SNX14: variants seen among roughly 807,000 people sequenced by gnomAD.
SNX14 encodes the protein sorting nexin 14.
SNX14 carries 93 observed loss-of-function variants against 133.8 expected under a neutral mutation model. The observed-to-expected ratio is 0.70, with a 90% CI of 0.59 to 0.83. The LOEUF (loss-of-function observed/expected upper bound fraction) is 0.83. Among genes scored for constraint, SNX14 ranks in the 40% least tolerant of loss-of-function variants. The pLI, the probability that SNX14 is intolerant of heterozygous loss-of-function variation, is 0.00. For missense variants in SNX14, 945 were observed against 1,094.9 expected, an observed-to-expected ratio of 0.86 and a Z score of 1.93; for synonymous variants, 368 against 365.6, an observed-to-expected ratio of 1.01 and a Z score of -0.07.
At chr6:85,529,223 C>T (rs1779457880) in intron 19 of SNX14, among the ~76,000 whole-genome samples, 1 of 151,558 alleles carries the variant, frequency 6.6e-6, no homozygotes, top group Non-Finnish European at 1.5e-5. Flanking sequence ...GGTGAGCCAA[C>T]ATCGTGCCAC....
chr6:85,515,972 G>C (rs1056485335), intron 23 of SNX14, among the ~76,000 whole-genome samples: 5 of 152,250 alleles, frequency 3.3e-5, no homozygotes, highest in African/African-American at 9.6e-5. Context: ...AAGTGACACA[G>C]AGCAAAGGGG....
intron 1 of SNX14, among the ~76,000 whole-genome samples, chr6:85,587,962 G>C (rs558807551): frequency 2.0e-4 from 31 of 152,238 alleles, no homozygotes; most frequent in African/African-American, 7.0e-4. Flanking sequence ...AGCAGGGGAG[G>C]AGCGGGGGGC....
chr6:85,579,777 G>T (rs542935591), intron 1 of SNX14, among the ~76,000 whole-genome samples: 2 of 152,310 alleles, frequency 1.3e-5, no homozygotes, highest in African/African-American at 4.8e-5. Context: ...AGGTTAAAGT[G>T]CTCTGAGTTC....
chr6:85,547,356 G>A lies in SNX14; in HGVS notation c.954C>T (p.Phe318=). Reference sequence around the variant, plus strand: ...TTCTAGGTTCTGCAAATTTCTGCAAGAATGGAACCAAAGGAGAAGCCGGTT... The same window carrying A: ...TTCTAGGTTCTGCAAATTTCTGCAAAAATGGAACCAAAGGAGAAGCCGGTT... The part of the protein sequence containing the change: ...ATEPASPLVP[F]LQKFAEPRNK... The change falls in exon 11 of 29, where the codon TTC becomes TTT. Residue 318 remains phenylalanine, a synonymous_variant. Coordinates refer to ENST00000314673, the MANE Select transcript of SNX14 (RefSeq NM_153816.6). 1 of 1,613,790 alleles carries A rather than the reference G, an allele frequency of 6.2e-7. No homozygotes were observed. Among genetic ancestry groups the A allele is most frequent in the African/African-American group, 1.3e-5 (1 of 75,042 alleles).
At chr6:85,515,268 A>AC (rs201964812) in intron 23 of SNX14, among the ~76,000 whole-genome samples, 3,811 of 148,412 alleles carry the variant, frequency 0.026, 129 homozygotes, top group African/African-American at 0.08. Context: ...CCGTCAAAAA[A>AC]AAAAAAAAAA....
chr6:85,579,704 G>T (rs1420930202), intron 1 of SNX14, among the ~76,000 whole-genome samples: 2 of 152,170 alleles, frequency 1.3e-5, no homozygotes, highest in Non-Finnish European at 2.9e-5. Context: ...CACATGTCCT[G>T]GCCAGAGGGC....
At chr6:85,543,438 A>G in intron 13 of SNX14, 132 bp from the exon 14 acceptor site, 2 of 1,059,510 alleles carry the variant, frequency 1.9e-6, no homozygotes, top group Non-Finnish European at 2.6e-6. Context: ...TAGTTCTGAC[A>G]AATACATAAA....
intron 1 of SNX14, among the ~76,000 whole-genome samples, chr6:85,578,058 A>T (rs1397729689): frequency 6.6e-6 from 1 of 152,194 alleles, no homozygotes; most frequent in Non-Finnish European, 1.5e-5. Flanking sequence ...AGAGTAAGTT[A>T]AGGTTTTTGA....
intron 21 of SNX14, among the ~76,000 whole-genome samples, chr6:85,522,239 G>A (rs1020555100): frequency 1.2e-4 from 19 of 152,150 alleles, no homozygotes; most frequent in African/African-American, 4.3e-4. Context: ...GTCCACAGAC[G>A]TATAGATCAG....
intron 21 of SNX14, among the ~76,000 whole-genome samples, chr6:85,523,936 A>AG (rs1171903055): frequency 6.6e-6 from 1 of 152,208 alleles, no homozygotes; most frequent in African/African-American, 2.4e-5. Flanking sequence ...GTACAACTAA[A>AG]GGTCAGACTA....
At chr6:85,525,663 C>T (rs564665427) in intron 21 of SNX14, among the ~76,000 whole-genome samples, 2 of 152,170 alleles carry the variant, frequency 1.3e-5, no homozygotes, top group East Asian at 3.9e-4. Flanking sequence ...ATTTGTAATG[C>T]TTTATAATAC....
intron 23 of SNX14, among the ~76,000 whole-genome samples, chr6:85,516,827 AG>A (rs1775215749): frequency 6.6e-6 from 1 of 152,004 alleles, no homozygotes; most frequent in Non-Finnish European, 1.5e-5. Flanking sequence ...CAGTAGAGGC[AG>A]GGTTTCACCA....
chr6:85,544,140 A>T (rs1173458271), intron 12 of SNX14, among the ~76,000 whole-genome samples: 4 of 152,158 alleles, frequency 2.6e-5, no homozygotes, highest in Non-Finnish European at 5.9e-5. Flanking sequence ...AGTCCCAATC[A>T]ATGTTTTTAA....
intron 17 of SNX14, 61 bp downstream of exon 17, chr6:85,536,731 A>G: frequency 6.6e-7 from 1 of 1,514,018 alleles, no homozygotes; most frequent in Non-Finnish European, 8.9e-7. Flanking sequence ...GAGTATATCT[A>G]ATTTTTATGT....
chr6:85,592,883 G>A (rs1803302234), intron 1 of SNX14, among the ~76,000 whole-genome samples: 1 of 151,908 alleles, frequency 6.6e-6, no homozygotes, highest in African/African-American at 2.4e-5. Flanking sequence ...GCGTGGTGGC[G>A]GGCGCCTGTA....
intron 21 of SNX14, among the ~76,000 whole-genome samples, chr6:85,521,184 C>T (rs1053982639): frequency 1.3e-5 from 2 of 152,260 alleles, no homozygotes; most frequent in South Asian, 2.1e-4. Context: ...AAATTAGGCA[C>T]CTTTCCATGT....
Position 85,574,348 on chromosome 6 carries a change from T to C in SNX14, c.171A>G (p.Ser57=). 6.4e-7 allele frequency: 1 copy of C among 1,570,552 alleles called. No homozygotes were observed. Among genetic ancestry groups the C allele is most frequent in the Non-Finnish European group, 8.7e-7 (1 of 1,143,430 alleles). ...AGAATGTGACAACTCCAGCAACAAA[T>C]GACCAGAAGATCATTAAAATATGAA... ...RYIHILMIFW[S]FVAGVVTFYC... is the part of the protein sequence containing the mutation. Residue 57 remains serine (S), a synonymous_variant, in exon 2 of 29, where the codon TCA becomes TCG. Transcript: ENST00000314673.
intron 1 of SNX14, among the ~76,000 whole-genome samples, chr6:85,575,403 A>C (rs888081688): frequency 6.6e-6 from 1 of 152,216 alleles, no homozygotes; most frequent in Non-Finnish European, 1.5e-5. Flanking sequence ...GTGCATCATG[A>C]TCAGGGACCA....
In SNX14 at chr6:85,573,317, TAAA is replaced by T. The variant is rs1796277058; in HGVS notation, c.261+938_261+940del. Among the ~76,000 whole-genome samples the T allele has an allele frequency of 2.0e-5, 3 of 152,086 alleles. No homozygotes were observed. In the South Asian group the frequency reaches 6.2e-4, roughly 32 times the overall value. ...CAACACAGCAAAACCCCGTCTCTAC[TAAA>T]AATACAAAAATTAGCTGGGCCTGGT... On this transcript the variant is annotated intron_variant, in intron 2 of 28. Transcript: ENST00000314673.
Sources: gnomAD v4.1 joint callset for allele counts (sites outside exome capture counted in the v4.1 genomes callset) on GRCh38, gnomAD v4.1.1 for gene constraint, MANE v1.5 for transcripts, NCBI Gene and HGNC (gene_info 2026-07-23, HGNC 2026-07-21) for gene names.